SUFU: variants seen among roughly 807,000 people sequenced by gnomAD.
SUFU encodes suppressor of fused homolog.
SUFU carries 7 observed loss-of-function variants against 58.9 expected under a neutral mutation model. That is an observed-to-expected ratio of 0.12 (90% CI 0.07 to 0.22). The LOEUF is 0.22. Among genes scored for constraint, SUFU ranks in the 10% least tolerant of loss-of-function variants. The pLI is 1.00. For missense variants in SUFU, 451 were observed against 641.3 expected (o/e 0.70, Z 3.20); for synonymous variants, 232 against 254.8 (o/e 0.91, Z 0.85).
intron 3 of SUFU, among the ~76,000 whole-genome samples, chr10:102,559,213 G>A (rs1362959410): frequency 3.7e-4 from 57 of 152,180 alleles, no homozygotes; most frequent in Admixed American, 3.5e-3. Flanking sequence ...GCCCTCATTG[G>A]TGTCCCCTTT....
intron 8 of SUFU, among the ~76,000 whole-genome samples, chr10:102,613,350 G>C (rs1403409285): frequency 2.0e-5 from 3 of 152,274 alleles, no homozygotes; most frequent in Non-Finnish European, 2.9e-5. Context: ...GGAACAGTCA[G>C]ATCCAGGAGT....
intron 3 of SUFU, chr10:102,579,946 C>T (rs1426787301): frequency 1.2e-6 from 1 of 816,752 alleles, no homozygotes; most frequent in Non-Finnish European, 1.5e-6. Context: ...GCCATTTGAC[C>T]AGCTATGAAG....
intron 3 of SUFU, among the ~76,000 whole-genome samples, chr10:102,568,945 T>TAC (rs1564685843): frequency 3.1e-4 from 23 of 74,662 alleles, no homozygotes; most frequent in African/African-American, 1.0e-3. Context: ...TATATATATA[T>TAC]ATATATATAT....
chr10:102,505,588 A>G (rs1187151492), intron 1 of SUFU, among the ~76,000 whole-genome samples: 1 of 152,198 alleles, frequency 6.6e-6, no homozygotes, highest in Non-Finnish European at 1.5e-5. Context: ...CATCGGTGTC[A>G]GTAGGCTGTG....
chr10:102,571,059 C>G (rs1359999892), intron 3 of SUFU, among the ~76,000 whole-genome samples: 3 of 151,844 alleles, frequency 2.0e-5, no homozygotes, highest in Non-Finnish European at 4.4e-5. Flanking sequence ...AAAACAGATG[C>G]AGAGAAGTTA....
At chr10:102,572,668 G>T (rs925191402) in intron 3 of SUFU, 4 of 575,048 alleles carry the variant, frequency 7.0e-6, no homozygotes, top group East Asian at 7.3e-5. Context: ...GATTACAGGT[G>T]TGAGTGAGCC....
chr10:102,606,912 G>A (rs1028999366), intron 8 of SUFU, among the ~76,000 whole-genome samples: 4 of 152,132 alleles, frequency 2.6e-5, no homozygotes, highest in Non-Finnish European at 4.4e-5. Context: ...AGATGACAAC[G>A]GTATAGCAGG....
chr10:102,605,009 G>A (rs2063549634), intron 8 of SUFU, among the ~76,000 whole-genome samples: 1 of 140,266 alleles, frequency 7.1e-6, no homozygotes, highest in African/African-American at 2.7e-5. Context: ...TCGGCTTACT[G>A]CAACCCCTGC....
At chr10:102,606,766 A>G in intron 8 of SUFU, among the ~76,000 whole-genome samples, 1 of 152,152 alleles carries the variant, frequency 6.6e-6, no homozygotes, top group Admixed American at 6.5e-5. Flanking sequence ...AGAGAGGCAT[A>G]CTAAAAAAAT....
intron 2 of SUFU, among the ~76,000 whole-genome samples, chr10:102,546,304 A>G (rs542936140): frequency 1.3e-5 from 2 of 152,242 alleles, no homozygotes; most frequent in Admixed American, 6.5e-5. Flanking sequence ...TCCTTTTGCA[A>G]TAAGACAGTT....
intron 1 of SUFU, among the ~76,000 whole-genome samples, chr10:102,506,646 T>C (rs2062331115): frequency 6.6e-6 from 1 of 152,246 alleles, no homozygotes; most frequent in Admixed American, 6.5e-5. Flanking sequence ...CCCAAAGTGC[T>C]AGGATTACAG....
intron 3 of SUFU, among the ~76,000 whole-genome samples, chr10:102,556,727 A>G (rs1304295856): frequency 7.4e-6 from 1 of 136,014 alleles, no homozygotes; most frequent in Non-Finnish European, 1.6e-5. Context: ...TGGATGACAG[A>G]GTGAGACTCA....
In SUFU at chr10:102,566,569, C is replaced by G. The variant is rs1161760843; in HGVS notation, c.454+16463C>G. 2.0e-5 allele frequency among the ~76,000 whole-genome samples: 3 copies of G among 152,112 alleles called. No homozygotes were observed. The East Asian group carries it at 5.8e-4, about 30-fold the overall frequency. On this transcript the variant is annotated intron_variant, in intron 3 of 11. Transcript: ENST00000369902. ...CACAGGGTCAGGAGTTCTAGACCAG[C>G]CTGGCCAACATAGTGAAACCCCGTC... is the stretch of plus-strand genomic sequence containing the variant.
At chr10:102,537,426 C>T (rs1322179653) in intron 2 of SUFU, among the ~76,000 whole-genome samples, 2 of 152,128 alleles carry the variant, frequency 1.3e-5, no homozygotes, top group African/African-American at 2.4e-5. Context: ...CCACTGCACC[C>T]AGCCCAAAAT....
chr10:102,564,379 CT>C (rs1163197978), intron 3 of SUFU, among the ~76,000 whole-genome samples: 1 of 152,312 alleles, frequency 6.6e-6, no homozygotes, highest in East Asian at 1.9e-4. Context: ...GTCACCCAAG[CT>C]GGAGTGCAGT....
At chr10:102,598,680 G>A (rs2063487669) in intron 7 of SUFU, among the ~76,000 whole-genome samples, 3 of 152,186 alleles carry the variant, frequency 2.0e-5, no homozygotes, top group African/African-American at 7.2e-5. Flanking sequence ...AGAAAAGTTA[G>A]TAATCATCTC....
At chr10:102,582,008 C>A (rs2063285257) in intron 3 of SUFU, among the ~76,000 whole-genome samples, 1 of 152,222 alleles carries the variant, frequency 6.6e-6, no homozygotes, top group African/African-American at 2.4e-5. Flanking sequence ...CTAGCCACTC[C>A]TGTGACACCT....
intron 10 of SUFU, among the ~76,000 whole-genome samples, chr10:102,626,519 T>C (rs141385375): frequency 2.1e-3 from 318 of 152,190 alleles, no homozygotes; most frequent in African/African-American, 7.0e-3. Flanking sequence ...CTGGAGGAAC[T>C]CAGTGGCTGA....
At chr10:102,523,227 A>G (rs1005958046) in intron 2 of SUFU, among the ~76,000 whole-genome samples, 1 of 152,128 alleles carries the variant, frequency 6.6e-6, no homozygotes, top group Non-Finnish European at 1.5e-5. Context: ...AGTCTCTTGG[A>G]GTCCCTGGTC....
Sources: allele counts gnomAD v4.1 joint callset (sites outside exome capture counted in the v4.1 genomes callset), GRCh38; gene constraint gnomAD v4.1.1; transcripts MANE v1.5; gene names NCBI Gene and HGNC (gene_info 2026-07-23, HGNC 2026-07-21).